Variants in CEP78 observed in about 807,000 individuals in gnomAD.
CEP78 encodes the protein centrosomal protein 78.
In CEP78, 76 loss-of-function variants were observed where a neutral mutation model predicts 81.2. That is an observed-to-expected ratio of 0.94 (90% CI 0.78 to 1.13). CEP78 has a LOEUF of 1.13. CEP78 is among the 50% of genes most tolerant of loss of function. The probability of loss-of-function intolerance (pLI) is 0.00; values close to 1 mark genes in which losing one functional copy is unlikely to be tolerated. For missense variants in CEP78, 918 were observed against 846.8 expected, an observed-to-expected ratio of 1.08 and a Z score of -1.04; for synonymous variants, 293 against 301.4, an observed-to-expected ratio of 0.97 and a Z score of 0.29.
chr9:78,261,058 C>G (rs1827252280), intron 11 of CEP78, among the ~76,000 whole-genome samples: 1 of 152,100 alleles, frequency 6.6e-6, no homozygotes, highest in Non-Finnish European at 1.5e-5. Flanking sequence ...TCAAGTGATT[C>G]TCCTGCCTCC....
chr9:78,253,515 A>G (rs760474284), intron 10 of CEP78: 3 of 419,230 alleles, frequency 7.2e-6, no homozygotes, highest in Non-Finnish European at 1.3e-5. Flanking sequence ...GGGTCCACAA[A>G]TCAGCTGTTG....
intron 16 of CEP78, among the ~76,000 whole-genome samples, chr9:78,269,501 G>T (rs1238779421): frequency 6.6e-6 from 1 of 152,240 alleles, no homozygotes; most frequent in African/African-American, 2.4e-5. Flanking sequence ...ACACAGAATT[G>T]TGGGGACTGT....
intron 15 of CEP78, 79 bp from the exon 16 acceptor site, chr9:78,266,363 T>A: frequency 9.5e-7 from 1 of 1,051,622 alleles, no homozygotes; most frequent in Non-Finnish European, 1.4e-6. Context: ...GATCACAGAA[T>A]AACATTGACG....
At chr9:78,243,356 C>A in intron 4 of CEP78, 106 bp from the exon 5 acceptor site, 1 of 884,216 alleles carries the variant, frequency 1.1e-6, no homozygotes, top group Non-Finnish European at 1.7e-6. Context: ...GCATATGTAC[C>A]TGGTGTGTGT....
At chr9:78,256,045 A>G (rs946610720) in intron 11 of CEP78, among the ~76,000 whole-genome samples, 1 of 152,236 alleles carries the variant, frequency 6.6e-6, no homozygotes, top group Non-Finnish European at 1.5e-5. Context: ...CAAAATTTCT[A>G]ACATACGTAA....
At position 78,278,886 on chromosome 9, in the gene CEP78, T is replaced by G. The variant is rs1007456323; in HGVS notation, c.*8035T>G. On this transcript the variant is annotated 3_prime_UTR_variant, in exon 17 of 17. Coordinates refer to ENST00000643273, the MANE Select transcript of CEP78 (RefSeq NM_001330691.3). Reference sequence around the variant, plus strand: ...CAAACTGATACATCTACCTGAGAATTTTCACATATAATTTGGTCAAAAAGT... The same window carrying G: ...CAAACTGATACATCTACCTGAGAATGTTCACATATAATTTGGTCAAAAAGT... 2.0e-5 allele frequency: 3 copies of G among 152,132 alleles called. No homozygotes were observed. The highest frequency in any genetic ancestry group is 4.4e-5 in the Non-Finnish European group (3 of 68,032). The allele number at this position is 152,132 out of a possible 1,614,324, so 9.4% of individuals were successfully genotyped here. A position where few individuals can be genotyped will look rare whatever the true frequency, so the allele number is the denominator to read the frequency against.
At chr9:78,259,267 A>G (rs534312178) in intron 11 of CEP78, among the ~76,000 whole-genome samples, 13 of 152,310 alleles carry the variant, frequency 8.5e-5, no homozygotes, top group African/African-American at 2.9e-4. Flanking sequence ...AGGCAAAACT[A>G]GATTGTTAGG....
intron 10 of CEP78, 47 bp from the exon 11 acceptor site, chr9:78,254,789 T>C: frequency 1.3e-6 from 2 of 1,497,810 alleles, no homozygotes; most frequent in Non-Finnish European, 1.8e-6. Context: ...CTTTAGTATT[T>C]GGTATTCGGT....
rs1250700963 is a variant in CEP78, at chr9:78,279,247, CAAG to C, written c.*8399_*8401del. The C allele has an allele frequency of 6.6e-6, 1 of 152,076 alleles. No individual in the cohort carries two copies. Among genetic ancestry groups the C allele is most frequent in the African/African-American group, 2.4e-5 (1 of 41,438 alleles). The allele number at this position is 152,076 out of a possible 1,614,324, so 9.4% of individuals were successfully genotyped here. A position where few individuals can be genotyped will look rare whatever the true frequency, so the allele number is the denominator to read the frequency against. On this transcript the variant is annotated 3_prime_UTR_variant, in exon 17 of 17. Transcript: ENST00000643273. ...GGCGGCTTTTATCTCCTTAAGAAAA[CAAG>C]AAAACTCCACAAAATCTTGAAAGCT...
chr9:78,262,861 C>T lies in CEP78; in HGVS notation c.1381-46C>T, dbSNP rs11137579. ...CAACAGCTGGAAGAGTTTTGGGGAT[C>T]ATATTGGGAATTAATTATAATATTT... On this transcript the variant is annotated intron_variant, in intron 11 of 16. Coordinates refer to ENST00000643273, the MANE Select transcript of CEP78 (RefSeq NM_001330691.3). 0.36 allele frequency: 425,760 copies of T among 1,175,818 alleles called. 79,912 individuals are homozygous for T. Among genetic ancestry groups the T allele is most frequent in the Middle Eastern group, 0.4 (1,456 of 3,672 alleles). The allele number at this position is 1,175,818 out of a possible 1,614,324, so 72.8% of individuals were successfully genotyped here. A position where few individuals can be genotyped will look rare whatever the true frequency, so the allele number is the denominator to read the frequency against.
intron 11 of CEP78, among the ~76,000 whole-genome samples, chr9:78,260,937 G>C (rs1827246297): frequency 6.6e-6 from 1 of 151,778 alleles, no homozygotes; most frequent in African/African-American, 2.4e-5. Flanking sequence ...TTTTGCGTTG[G>C]AGAATACTTG....
At chr9:78,256,386 C>T (rs922405814) in intron 11 of CEP78, among the ~76,000 whole-genome samples, 2 of 152,154 alleles carry the variant, frequency 1.3e-5, no homozygotes, top group African/African-American at 4.8e-5. Flanking sequence ...AGTAAAGTAA[C>T]TGGGGAGAAC....
chr9:78,262,497 C>T (rs567772806), intron 11 of CEP78, among the ~76,000 whole-genome samples: 3 of 152,178 alleles, frequency 2.0e-5, no homozygotes, highest in African/African-American at 7.2e-5. Context: ...AGAGCCCTGT[C>T]CCTTTTAATT....
chr9:78,242,734 A>T (rs1826293789), intron 4 of CEP78, among the ~76,000 whole-genome samples: 1 of 152,166 alleles, frequency 6.6e-6, no homozygotes, highest in Non-Finnish European at 1.5e-5. Context: ...TTTCTCTTAA[A>T]ATCAGTGTTT....
rs1339284776 is a variant in CEP78, at chr9:78,240,121, A to G, written c.352A>G (p.Ile118Val). The G allele has an allele frequency of 1.9e-6, 3 of 1,587,840 alleles. No individual in the cohort carries two copies. The highest frequency in any genetic ancestry group is 2.7e-5 in the African/African-American group (2 of 72,774). ...LCKALKGCLS[I>V]SSVLKNLELN... is the part of the protein sequence containing the mutation. ...TAAAGCTCTTAAAGGCTGTTTAAGT[A>G]TATCAAGTGTGCTAAAGAACCTGGA... Residue 118 changes from isoleucine to valine, a missense_variant, in exon 2 of 17, where the codon ATA becomes GTA. Physicochemically the swap from Ile to Val is conservative, Grantham distance 29. Coordinates refer to ENST00000643273, the MANE Select transcript of CEP78 (RefSeq NM_001330691.3).
In CEP78 at chr9:78,240,045, C is replaced by T; in HGVS notation, c.276C>T (p.Cys92=). Residue 92 remains cysteine, a synonymous_variant, in exon 2 of 17, where the codon TGC becomes TGT. Transcript: ENST00000643273. ...TAGGTTCTGACATGAATAAATTTTG[C>T]AGAAGTCGTGTTCCTGCGATAAGAT... ...GDTGSDMNKF[C]RSRVPAIRYK... 1 of 1,578,840 alleles carries T rather than the reference C, an allele frequency of 6.3e-7. No individual in the cohort carries two copies. The highest frequency in any genetic ancestry group is 8.5e-7 in the Non-Finnish European group (1 of 1,170,692).
chr9:78,243,513 AG>A lies in CEP78; in HGVS notation c.657del (p.Arg220AspfsTer10). On this transcript the variant is annotated frameshift_variant, in exon 5 of 17. Transcript: ENST00000643273. LOFTEE classifies it high-confidence loss of function. ...AACCTGGGCTGAGAGTCTTCGCTAT[AG>A]GAGACCTGATCTTGACTGTATGGCT... ...EETWAESLRY[R>X]RPDLDCMAGL... The A allele has an allele frequency of 6.2e-7, 1 of 1,613,852 alleles. No homozygotes were observed. The highest frequency in any genetic ancestry group is 8.5e-7 in the Non-Finnish European group (1 of 1,179,768).
At chr9:78,248,149 GA>G in intron 6 of CEP78, 141 bp from the exon 7 acceptor site, 1 of 647,730 alleles carries the variant, frequency 1.5e-6, no homozygotes, top group Non-Finnish European at 2.8e-6. Flanking sequence ...CTCAAAGGGG[GA>G]AAAGGTATTT....
chr9:78,251,951 C>A lies in CEP78; in HGVS notation c.1113C>A (p.Ser371=), dbSNP rs778800446. The A allele has an allele frequency of 2.5e-6, 4 of 1,608,084 alleles. No homozygotes were observed. The Admixed American group carries it at 6.7e-5, about 27-fold the overall frequency. Residue 371 remains serine (S), a synonymous_variant, in exon 9 of 17, where the codon TCC becomes TCA. Coordinates refer to ENST00000643273, the MANE Select transcript of CEP78 (RefSeq NM_001330691.3). ...CTGTAAGTAGTGGCAGAAAACACTC[C>A]CTTGGTAAAGAATATTATGCGCCCG... ...KKPVSSGRKH[S]LGKEYYAPAP... is the part of the protein sequence containing the mutation.
Sources: gnomAD v4.1 joint callset for allele counts (sites outside exome capture counted in the v4.1 genomes callset) on GRCh38, gnomAD v4.1.1 for gene constraint, MANE v1.5 for transcripts, NCBI Gene and HGNC (gene_info 2026-07-23, HGNC 2026-07-21) for gene names.